NAALADL2: variants seen among roughly 807,000 people sequenced by gnomAD.
NAALADL2 encodes the protein inactive N-acetylated-alpha-linked acidic dipeptidase-like protein 2.
A neutral mutation model predicts 87.2 loss-of-function variants in NAALADL2; 76 were observed. That is an observed-to-expected ratio of 0.87 (90% CI 0.72 to 1.05). The LOEUF is 1.05. Among genes scored for constraint, NAALADL2 ranks in the 50% least tolerant of loss-of-function variants. The pLI, the probability that NAALADL2 is intolerant of heterozygous loss-of-function variation, is 0.00. For missense variants in NAALADL2, 1,089 were observed against 945.8 expected, an observed-to-expected ratio of 1.15 and a Z score of -1.99; for synonymous variants, 354 against 331.0, an observed-to-expected ratio of 1.07 and a Z score of -0.75.
chr3:175,611,363 G>T (rs544826309), intron 10 of NAALADL2, among the ~76,000 whole-genome samples: 19 of 151,816 alleles, frequency 1.3e-4, no homozygotes, highest in African/African-American at 4.6e-4. Context: ...GTAAAATATT[G>T]GTCATAAATT....
At chr3:175,527,691 A>T (rs773859852) in intron 9 of NAALADL2, among the ~76,000 whole-genome samples, 1 of 152,224 alleles carries the variant, frequency 6.6e-6, no homozygotes, top group Non-Finnish European at 1.5e-5. Flanking sequence ...CTTGGCTAAG[A>T]TCAAGGGTAG....
At chr3:174,919,946 C>T (rs542083534) in intron 1 of NAALADL2, among the ~76,000 whole-genome samples, 19 of 152,078 alleles carry the variant, frequency 1.2e-4, no homozygotes, top group African/African-American at 2.9e-4. Flanking sequence ...CCAGATGCAT[C>T]GTCAATGAGC....
intron 3 of NAALADL2, among the ~76,000 whole-genome samples, chr3:174,780,243 A>G (rs1407544471): frequency 6.6e-6 from 1 of 152,090 alleles, no homozygotes; most frequent in Admixed American, 6.6e-5. Flanking sequence ...TCTTTGTAGC[A>G]ATTGTAAATG....
chr3:174,958,465 T>C (rs993763986), intron 1 of NAALADL2, among the ~76,000 whole-genome samples: 1 of 152,012 alleles, frequency 6.6e-6, no homozygotes, highest in Non-Finnish European at 1.5e-5. Flanking sequence ...CAGTGTTTGT[T>C]ACATCACCAC....
At chr3:174,806,309 A>G (rs1345380849) in intron 3 of NAALADL2, among the ~76,000 whole-genome samples, 1 of 152,184 alleles carries the variant, frequency 6.6e-6, no homozygotes, top group Non-Finnish European at 1.5e-5. Flanking sequence ...CACCACAGGG[A>G]CATCTGGAGC....
At chr3:174,509,403 T>C (rs1371313865) in intron 1 of NAALADL2, among the ~76,000 whole-genome samples, 2 of 124,726 alleles carry the variant, frequency 1.6e-5, no homozygotes, top group South Asian at 2.8e-4. Context: ...TTCCTTTCTT[T>C]CTTTTTTTTT....
chr3:175,762,851 G>A (rs1221157028), intron 13 of NAALADL2, among the ~76,000 whole-genome samples: 1 of 152,144 alleles, frequency 6.6e-6, no homozygotes, highest in South Asian at 2.1e-4. Context: ...TGGGAAGGCC[G>A]AGGCAGGCGG....
chr3:175,139,541 A>G (rs142450492), intron 2 of NAALADL2, among the ~76,000 whole-genome samples: 108 of 151,956 alleles, frequency 7.1e-4, no homozygotes, highest in Non-Finnish European at 1.4e-3. Context: ...TTATTCTGAA[A>G]TGCTACGTAG....
At chr3:175,121,900 C>T (rs954541337) in intron 2 of NAALADL2, among the ~76,000 whole-genome samples, 1 of 151,816 alleles carries the variant, frequency 6.6e-6, no homozygotes, top group Non-Finnish European at 1.5e-5. Context: ...GGACAAGCTT[C>T]TACCACTTTT....
At chr3:174,776,102 A>G (rs1291132345) in intron 3 of NAALADL2, among the ~76,000 whole-genome samples, 2 of 152,124 alleles carry the variant, frequency 1.3e-5, no homozygotes, top group Non-Finnish European at 2.9e-5. Context: ...TTTATACACA[A>G]TGGGAACTCA....
intron 10 of NAALADL2, among the ~76,000 whole-genome samples, chr3:175,608,801 G>A (rs1283198924): frequency 1.3e-5 from 2 of 152,084 alleles, no homozygotes; most frequent in African/African-American, 2.4e-5. Flanking sequence ...AATTGCTTCC[G>A]AGTGGTATCA....
At position 174,449,611 on chromosome 3, in the gene NAALADL2, C is replaced by T. The variant is rs148286124; in HGVS notation, c.-184+8579C>T. Among the ~76,000 whole-genome samples the T allele has an allele frequency of 1.3e-4, 20 of 152,258 alleles. No homozygotes were observed. The East Asian group carries it at 3.9e-3, about 29-fold the overall frequency. Reference sequence around the variant, plus strand: ...GTATTGTCAAAGCACAGTGTACATGCATCTTAGTTTTAATAGTTTACAAGA... The same window carrying T: ...GTATTGTCAAAGCACAGTGTACATGTATCTTAGTTTTAATAGTTTACAAGA... On this transcript the variant is annotated intron_variant, in intron 1 of 3. Transcript: ENST00000434257.
chr3:175,508,064 C>G (rs1010488674), intron 9 of NAALADL2, among the ~76,000 whole-genome samples: 5 of 152,168 alleles, frequency 3.3e-5, no homozygotes, highest in African/African-American at 1.2e-4. Flanking sequence ...GCAGGCACAT[C>G]ACATGACAAA....
intron 3 of NAALADL2, among the ~76,000 whole-genome samples, chr3:174,826,419 A>G (rs1722004325): frequency 4.6e-5 from 7 of 152,344 alleles, no homozygotes; most frequent in Admixed American, 4.6e-4. Context: ...GCATAGTAAC[A>G]GAACAGGGAT....
intron 2 of NAALADL2, among the ~76,000 whole-genome samples, chr3:175,199,450 T>C (rs1993740): frequency 0.38 from 57,193 of 151,866 alleles, 12,011 homozygotes; most frequent in East Asian, 0.56. Context: ...TTATAATGCT[T>C]TCTTTACATA....
chr3:175,393,689 G>GT (rs1305583983), intron 5 of NAALADL2, among the ~76,000 whole-genome samples: 2 of 152,072 alleles, frequency 1.3e-5, no homozygotes, highest in Non-Finnish European at 2.9e-5. Context: ...AGAGACATCA[G>GT]TTTTTTATCC....
intron 1 of NAALADL2, 107 bp downstream of exon 1, chr3:174,859,557 A>G (rs1168501570): frequency 4.7e-6 from 4 of 848,626 alleles, no homozygotes; most frequent in African/African-American, 1.7e-5. Context: ...GCATCCCTGC[A>G]TGCATGTTCA....
chr3:175,528,541 A>G (rs751072031), intron 9 of NAALADL2, among the ~76,000 whole-genome samples: 9 of 152,082 alleles, frequency 5.9e-5, no homozygotes, highest in Non-Finnish European at 2.9e-5. Flanking sequence ...GCATCCTTCA[A>G]TCCAATCAAG....
At chr3:174,900,599 A>G (rs573666234) in intron 1 of NAALADL2, among the ~76,000 whole-genome samples, 7 of 152,108 alleles carry the variant, frequency 4.6e-5, no homozygotes, top group Non-Finnish European at 7.4e-5. Context: ...ATAAGCTTTT[A>G]TATGAAAGAC....
Sources: allele counts gnomAD v4.1 joint callset (sites outside exome capture counted in the v4.1 genomes callset), GRCh38; gene constraint gnomAD v4.1.1; transcripts MANE v1.5; gene names NCBI Gene and HGNC (gene_info 2026-07-23, HGNC 2026-07-21).